NXPE2: variants seen among roughly 807,000 people sequenced by gnomAD.
NXPE2 encodes NXPE family member 2.
Under a neutral mutation model 34.4 loss-of-function variants are expected in NXPE2, and 34 were observed. That is an observed-to-expected ratio of 0.99 (90% confidence interval 0.75 to 1.31). The LOEUF is 1.31. Among genes scored for constraint, NXPE2 ranks in the 40% most tolerant of loss-of-function variants. The pLI is 0.00. For missense variants in NXPE2, 649 were observed against 672.5 expected (o/e 0.97, Z 0.39); for synonymous variants, 235 against 231.3 (o/e 1.02, Z -0.15).
chr11:114,645,048 T>C, the NXPE2 span, among the ~76,000 whole-genome samples: 1 of 151,790 alleles, frequency 6.6e-6, no homozygotes, highest in Non-Finnish European at 1.5e-5. Context: ...ATGCCTGTAA[T>C]CTCAGCACTT....
chr11:114,795,718 C>T, the NXPE2 span, among the ~76,000 whole-genome samples: 2 of 151,984 alleles, frequency 1.3e-5, no homozygotes, highest in Non-Finnish European at 2.9e-5. Flanking sequence ...GCAAATTGTT[C>T]TATCTATCTC....
chr11:114,681,435 A>G (rs1223175322), intron 2 of NXPE2, among the ~76,000 whole-genome samples: 1 of 152,208 alleles, frequency 6.6e-6, no homozygotes, highest in African/African-American at 2.4e-5. Context: ...GCCTTGGCAC[A>G]GTGTTTTATT....
At chr11:114,613,351 C>T in the NXPE2 span, among the ~76,000 whole-genome samples, 10 of 151,666 alleles carry the variant, frequency 6.6e-5, no homozygotes, top group Admixed American at 2.0e-4. Flanking sequence ...AGTACTGCCT[C>T]GTGGATAACC....
At chr11:114,739,403 CCTCG>C in the NXPE2 span, among the ~76,000 whole-genome samples, 1 of 139,934 alleles carries the variant, frequency 7.1e-6, no homozygotes, top group Non-Finnish European at 1.6e-5. Context: ...TCCCTCCCTC[CCTCG>C]CTCCTTCCCT....
chr11:114,640,415 T>C, the NXPE2 span, among the ~76,000 whole-genome samples: 1 of 151,368 alleles, frequency 6.6e-6, no homozygotes. Flanking sequence ...TGTGCTGCAA[T>C]ATATATTCAC....
At chr11:114,626,191 G>T in the NXPE2 span, among the ~76,000 whole-genome samples, 9 of 152,192 alleles carry the variant, frequency 5.9e-5, no homozygotes, top group African/African-American at 2.2e-4. Context: ...AAGGAGGGCT[G>T]CCTGCCTCTG....
chr11:114,499,835 A>T, the NXPE2 span, among the ~76,000 whole-genome samples: 4 of 152,076 alleles, frequency 2.6e-5, no homozygotes, highest in East Asian at 7.7e-4. Context: ...CATTTCATTG[A>T]TTGTTGGGCT....
chr11:114,628,379 C>A, the NXPE2 span, among the ~76,000 whole-genome samples: 2 of 152,190 alleles, frequency 1.3e-5, no homozygotes, highest in African/African-American at 4.8e-5. Context: ...CTCAAAACCA[C>A]TGAACTACAT....
At chr11:114,761,100 G>C in the NXPE2 span, among the ~76,000 whole-genome samples, 1 of 152,312 alleles carries the variant, frequency 6.6e-6, no homozygotes, top group East Asian at 1.9e-4. Flanking sequence ...TAAGATCCCA[G>C]ATACTTTGAA....
chr11:114,599,300 C>T, the NXPE2 span, among the ~76,000 whole-genome samples: 1 of 152,158 alleles, frequency 6.6e-6, no homozygotes, highest in Admixed American at 6.5e-5. Context: ...GAGACCTCCT[C>T]AGACTGGACT....
the NXPE2 span, among the ~76,000 whole-genome samples, chr11:114,569,350 C>T: frequency 2.1e-3 from 323 of 152,280 alleles, no homozygotes; most frequent in Non-Finnish European, 3.7e-3. Context: ...TGTTAACCTA[C>T]ATGTGTAGAT....
chr11:114,540,801 T>C, the NXPE2 span, among the ~76,000 whole-genome samples: 1 of 143,448 alleles, frequency 7.0e-6, no homozygotes, highest in Non-Finnish European at 1.5e-5. Context: ...GAGGGCAGTC[T>C]ACTAGCAGAG....
the NXPE2 span, among the ~76,000 whole-genome samples, chr11:114,670,893 G>T: frequency 1.3e-5 from 2 of 151,504 alleles, no homozygotes; most frequent in African/African-American, 2.4e-5. Flanking sequence ...CTCTGAGAGG[G>T]CCAAGTTGTC....
the NXPE2 span, among the ~76,000 whole-genome samples, chr11:114,541,162 A>T: frequency 6.6e-6 from 1 of 152,260 alleles, no homozygotes; most frequent in South Asian, 2.1e-4. Flanking sequence ...TAGCAAAAAC[A>T]TCGACACTAT....
chr11:114,743,037 G>A, the NXPE2 span, among the ~76,000 whole-genome samples: 149 of 127,684 alleles, frequency 1.2e-3, no homozygotes, highest in Admixed American at 9.5e-3. Flanking sequence ...GCATGCAAAT[G>A]GATTAACTGT....
the NXPE2 span, chr11:114,530,587 C>T: frequency 1.2e-6 from 2 of 1,614,112 alleles, no homozygotes; most frequent in South Asian, 2.2e-5. Flanking sequence ...GACATCCTGG[C>T]CCTCAGGAAA....
chr11:114,784,889 A>AT, the NXPE2 span, among the ~76,000 whole-genome samples: 18 of 152,118 alleles, frequency 1.2e-4, no homozygotes, highest in African/African-American at 4.1e-4. Context: ...AGTAGAGGAT[A>AT]TTGTTTTGGG....
chr11:114,631,764 A>G, the NXPE2 span, among the ~76,000 whole-genome samples: 1 of 151,840 alleles, frequency 6.6e-6, no homozygotes, highest in Non-Finnish European at 1.5e-5. Flanking sequence ...CCGGTGGATA[A>G]TAAGTATTGC....
the NXPE2 span, among the ~76,000 whole-genome samples, chr11:114,737,781 G>A: frequency 6.6e-6 from 1 of 152,082 alleles, no homozygotes; most frequent in Non-Finnish European, 1.5e-5. Flanking sequence ...CTCTTTTGCT[G>A]ACATAAGTTA....
Sources: allele counts gnomAD v4.1 joint callset (sites outside exome capture counted in the v4.1 genomes callset), GRCh38; gene constraint gnomAD v4.1.1; transcripts MANE v1.5; gene names NCBI Gene and HGNC (gene_info 2026-07-23, HGNC 2026-07-21).